The following PTPRD variants were observed in gnomAD, a reference collection of about 807,000 sequenced individuals.
PTPRD encodes protein tyrosine phosphatase receptor type D.
A neutral mutation model predicts 214.5 loss-of-function variants in PTPRD; 34 were observed. The ratio of observed to expected loss-of-function variants is 0.16; its 90% CI spans 0.12 to 0.21. The LOEUF (loss-of-function observed/expected upper bound fraction) is 0.21. Ranked by LOEUF, PTPRD falls within the 10% of genes least tolerant of loss-of-function variation. PTPRD has a pLI of 1.00. For synonymous variants in PTPRD, 1,128 were observed against 845.7 expected (o/e 1.33, Z -5.79); for missense variants, 2,545 against 2,398.7 (o/e 1.06, Z -1.27).
At chr9:8,675,547 A>AAAT (rs1158725975) in intron 12 of PTPRD, among the ~76,000 whole-genome samples, 1 of 146,672 alleles carries the variant, frequency 6.8e-6, no homozygotes, top group African/African-American at 2.5e-5. Flanking sequence ...ACAAAAAAAA[A>AAAT]AAAAAAAAAA....
intron 11 of PTPRD, among the ~76,000 whole-genome samples, chr9:8,882,661 G>A (rs2098455902): frequency 6.6e-6 from 1 of 152,024 alleles, no homozygotes; most frequent in African/African-American, 2.4e-5. Flanking sequence ...GAGGTGGGTG[G>A]ATCATTTGAG....
At chr9:8,968,324 T>G (rs944118025) in intron 11 of PTPRD, among the ~76,000 whole-genome samples, 2 of 152,070 alleles carry the variant, frequency 1.3e-5, no homozygotes, top group African/African-American at 4.8e-5. Flanking sequence ...CTTAAGGAAT[T>G]GCCACACTGT....
chr9:9,534,712 T>A (rs1357180474), intron 8 of PTPRD, among the ~76,000 whole-genome samples: 1 of 152,050 alleles, frequency 6.6e-6, no homozygotes, highest in Non-Finnish European at 1.5e-5. Context: ...AGTTCATAAA[T>A]AGGGTAGAGA....
chr9:9,117,976 C>T (rs184186167), intron 10 of PTPRD, among the ~76,000 whole-genome samples: 11 of 152,050 alleles, frequency 7.2e-5, no homozygotes, highest in African/African-American at 2.7e-4. Flanking sequence ...TTTAAAATTA[C>T]AACTATAAAT....
chr9:8,853,675 T>C (rs898210635), intron 11 of PTPRD, among the ~76,000 whole-genome samples: 1 of 152,200 alleles, frequency 6.6e-6, no homozygotes, highest in Non-Finnish European at 1.5e-5. Flanking sequence ...TCAGATTTCT[T>C]CAGTTGATGT....
intron 5 of PTPRD, among the ~76,000 whole-genome samples, chr9:9,797,944 A>G (rs185145607): frequency 8.3e-4 from 127 of 152,332 alleles, no homozygotes; most frequent in African/African-American, 3.0e-3. Context: ...GTGAAATAAA[A>G]GTAAGTTAAA....
At chr9:8,435,625 G>T in intron 35 of PTPRD, among the ~76,000 whole-genome samples, 1 of 151,718 alleles carries the variant, frequency 6.6e-6, no homozygotes, top group South Asian at 2.1e-4. Context: ...CTTCATTAAG[G>T]GTCCTTGTTG....
chr9:10,056,973 CA>C (rs1589890678), intron 3 of PTPRD, among the ~76,000 whole-genome samples: 1 of 152,000 alleles, frequency 6.6e-6, no homozygotes, highest in African/African-American at 2.4e-5. Context: ...GAATTTGTAT[CA>C]AGTAGAGAAT....
Position 9,352,395 on chromosome 9 carries a change from GTA to G in PTPRD, c.-203+45052_-203+45053del, listed in dbSNP as rs201691972. On this transcript the variant is annotated intron_variant, in intron 9 of 45. Coordinates refer to ENST00000381196, the MANE Select transcript of PTPRD (RefSeq NM_002839.4). ...TGTATATATATATATGTGTGTATAT[GTA>G]TATATATATCTGTTATGTTTTCCCA... is the stretch of plus-strand genomic sequence containing the variant. Among the ~76,000 whole-genome samples the G allele has an allele frequency of 4.0e-5, 6 of 149,264 alleles. No individual in the cohort carries two copies. The East Asian group carries it at 9.9e-4, about 25-fold the overall frequency.
intron 11 of PTPRD, among the ~76,000 whole-genome samples, chr9:8,756,329 G>T (rs10122791): frequency 0.062 from 9,421 of 152,178 alleles, 750 homozygotes; most frequent in African/African-American, 0.19. Flanking sequence ...CCACCCCCGG[G>T]AGACTGAAGT....
intron 3 of PTPRD, among the ~76,000 whole-genome samples, chr9:10,314,063 TA>T (rs1351039565): frequency 6.6e-6 from 1 of 151,952 alleles, no homozygotes; most frequent in East Asian, 1.9e-4. Flanking sequence ...TAGTTTAAAA[TA>T]ATTTTTTCAT....
chr9:9,327,648 G>A lies in PTPRD; in HGVS notation c.-203+69801C>T, dbSNP rs115239117. On this transcript the variant is annotated intron_variant, in intron 9 of 45. Coordinates refer to ENST00000381196, the MANE Select transcript of PTPRD (RefSeq NM_002839.4). ...TTTATTCTAGGACAAGGTACAAAAT[G>A]AGAATGTGGGAAATAATAACAATAA... Among the ~76,000 whole-genome samples the A allele has an allele frequency of 7.5e-3, 1,141 of 152,170 alleles. 11 individuals carry two copies. The highest frequency in any genetic ancestry group is 0.026 in the African/African-American group (1,086 of 41,510).
intron 7 of PTPRD, among the ~76,000 whole-genome samples, chr9:9,588,155 C>A (rs1475263284): frequency 1.3e-5 from 2 of 151,436 alleles, no homozygotes; most frequent in African/African-American, 4.9e-5. Flanking sequence ...AAAAATAGAC[C>A]CAGTGAAGCT....
intron 7 of PTPRD, among the ~76,000 whole-genome samples, chr9:9,609,262 C>T (rs1310444046): frequency 6.6e-6 from 1 of 152,114 alleles, no homozygotes; most frequent in Non-Finnish European, 1.5e-5. Context: ...ATAGAATCAT[C>T]TGATTGATCA....
chr9:8,610,197 T>G (rs1050275415), intron 14 of PTPRD, among the ~76,000 whole-genome samples: 1 of 152,206 alleles, frequency 6.6e-6, no homozygotes, highest in Non-Finnish European at 1.5e-5. Flanking sequence ...CTTTCTGAAC[T>G]GCAGTGCACC....
intron 8 of PTPRD, among the ~76,000 whole-genome samples, chr9:9,551,831 T>G (rs1032557509): frequency 6.6e-6 from 1 of 151,858 alleles, no homozygotes; most frequent in African/African-American, 2.4e-5. Flanking sequence ...GGACTGTAAT[T>G]TAGGATACTG....
At chr9:9,382,325 AT>A (rs1484552795) in intron 9 of PTPRD, among the ~76,000 whole-genome samples, 1 of 152,148 alleles carries the variant, frequency 6.6e-6, no homozygotes, top group Non-Finnish European at 1.5e-5. Context: ...TTTGGATATG[AT>A]AACAAAAGCA....
At chr9:9,940,252 A>G (rs2091042714) in intron 4 of PTPRD, among the ~76,000 whole-genome samples, 1 of 152,062 alleles carries the variant, frequency 6.6e-6, no homozygotes, top group African/African-American at 2.4e-5. Context: ...AGATGGCAGC[A>G]CAGATGGAAG....
intron 8 of PTPRD, among the ~76,000 whole-genome samples, chr9:9,473,595 C>T (rs1052195265): frequency 6.6e-6 from 1 of 152,182 alleles, no homozygotes; most frequent in African/African-American, 2.4e-5. Context: ...TTCCCACTAA[C>T]AGTGTGTAAG....
Sources: allele counts gnomAD v4.1 joint callset (sites outside exome capture counted in the v4.1 genomes callset), GRCh38; gene constraint gnomAD v4.1.1; transcripts MANE v1.5; gene names NCBI Gene and HGNC (gene_info 2026-07-23, HGNC 2026-07-21).